Variants in ZFPM2 observed in about 807,000 individuals in gnomAD.
The protein encoded by ZFPM2 is zinc finger protein ZFPM2.
Under a neutral mutation model 98.6 loss-of-function variants are expected in ZFPM2, and 20 were observed. The observed-to-expected ratio is 0.20, with a 90% CI of 0.14 to 0.29. The LOEUF (loss-of-function observed/expected upper bound fraction) is 0.29, where lower values mean the gene tolerates loss of function less well. ZFPM2 is among the 10% of genes least tolerant of loss of function. The pLI is 1.00. For synonymous variants in ZFPM2, 518 were observed against 502.7 expected, an observed-to-expected ratio of 1.03 and a Z score of -0.41; for missense variants, 1,310 against 1,388.6, an observed-to-expected ratio of 0.94 and a Z score of 0.90.
In ZFPM2 at chr8:105,439,353, G is replaced by C. The variant is rs1812191342; in HGVS notation, c.200-4927G>C. 2.0e-5 allele frequency among the ~76,000 whole-genome samples: 3 copies of C among 152,164 alleles called. No individual in the cohort carries two copies. The South Asian group carries it at 6.2e-4, about 32-fold the overall frequency. On this transcript the variant is annotated intron_variant, in intron 2 of 7. Coordinates refer to ENST00000407775, the MANE Select transcript of ZFPM2 (RefSeq NM_012082.4). ...TGGTTCTCTCCTCAACTGGAGGAGA[G>C]ATGTAAAGAGAAAGGATGTTTTGGA...
intron 1 of ZFPM2, among the ~76,000 whole-genome samples, chr8:105,404,042 ACAG>A (rs796338555): frequency 0.016 from 2,155 of 138,222 alleles, 43 homozygotes; most frequent in African/African-American, 0.055. Flanking sequence ...AACAACAACA[ACAG>A]CAGCATAGAT....
chr8:105,439,097 T>C (rs1173449599), intron 2 of ZFPM2, among the ~76,000 whole-genome samples: 1 of 152,240 alleles, frequency 6.6e-6, no homozygotes, highest in Admixed American at 6.5e-5. Context: ...GAATTTTGCA[T>C]AGCACCATAT....
intron 1 of ZFPM2, among the ~76,000 whole-genome samples, chr8:105,416,600 T>C (rs1473027814): frequency 6.6e-6 from 1 of 151,918 alleles, no homozygotes; most frequent in Non-Finnish European, 1.5e-5. Flanking sequence ...TCAGAGTATA[T>C]ATTCCAAAAG....
chr8:105,588,292 A>G (rs1476620499), intron 4 of ZFPM2, among the ~76,000 whole-genome samples: 1 of 152,144 alleles, frequency 6.6e-6, no homozygotes, highest in African/African-American at 2.4e-5. Context: ...ATGCGGTGAA[A>G]TCCACAATTA....
chr8:105,599,266 T>G (rs546032865), intron 4 of ZFPM2, among the ~76,000 whole-genome samples: 21 of 152,146 alleles, frequency 1.4e-4, no homozygotes, highest in African/African-American at 3.9e-4. Flanking sequence ...CATGTCATAC[T>G]GTGGCCCTGT....
chr8:105,398,271 C>A (rs574953769), intron 1 of ZFPM2, among the ~76,000 whole-genome samples: 2 of 152,208 alleles, frequency 1.3e-5, no homozygotes, highest in East Asian at 1.9e-4. Flanking sequence ...ATATTGAACA[C>A]TTCTCTGTGT....
In ZFPM2 at chr8:105,801,293, C is replaced by T. The variant is rs185077999; in HGVS notation, c.1211C>T (p.Thr404Ile). The change falls in exon 8 of 8, where the codon ACT becomes ATT. Residue 404 changes from threonine (T) to isoleucine (I), a missense_variant. Physicochemically the swap from Thr to Ile is moderately conservative, Grantham distance 89. Coordinates refer to ENST00000407775, the MANE Select transcript of ZFPM2 (RefSeq NM_012082.4). ...ESDMEHSPSA[T>I]EDSLQPATDL... ...GACATGGAACACTCTCCAAGTGCAACTGAAGACAGCTTACAGCCAGCCACA... is the reference window on the plus strand; with the variant it reads ...GACATGGAACACTCTCCAAGTGCAATTGAAGACAGCTTACAGCCAGCCACA... 3 of 1,613,922 alleles carry T rather than the reference C, an allele frequency of 1.9e-6. No individual in the cohort carries two copies. Among genetic ancestry groups the T allele is most frequent in the African/African-American group, 2.7e-5 (2 of 75,022 alleles).
chr8:105,459,221 T>C (rs1812658639), intron 3 of ZFPM2, among the ~76,000 whole-genome samples: 4 of 152,166 alleles, frequency 2.6e-5, no homozygotes, highest in Admixed American at 2.6e-4. Context: ...TAGTTTTTTG[T>C]TTTGTTTTGC....
rs79538030 is a variant in ZFPM2 at position 105,574,588 on chromosome 8, T to C, written c.420+13107T>C. 3.7e-3 allele frequency among the ~76,000 whole-genome samples: 560 copies of C among 152,288 alleles called. 5 individuals are homozygous for C. Among genetic ancestry groups the C allele is most frequent in the African/African-American group, 0.013 (539 of 41,542 alleles). On this transcript the variant is annotated intron_variant, in intron 4 of 7. Coordinates refer to ENST00000407775, the MANE Select transcript of ZFPM2 (RefSeq NM_012082.4). Reference sequence around the variant, plus strand: ...AATGGAGTGAATAAGGCAGTCATAATGCAGACAGTGATGTACTGTGAAATA... The same window carrying C: ...AATGGAGTGAATAAGGCAGTCATAACGCAGACAGTGATGTACTGTGAAATA...
chr8:105,746,640 G>C (rs1345346011), intron 5 of ZFPM2, among the ~76,000 whole-genome samples: 1 of 129,812 alleles, frequency 7.7e-6, no homozygotes, highest in Admixed American at 7.7e-5. Flanking sequence ...GCGTTTTCTT[G>C]TTCTGTTTTT....
At chr8:105,521,617 G>T (rs1453750941) in intron 3 of ZFPM2, among the ~76,000 whole-genome samples, 7 of 151,308 alleles carry the variant, frequency 4.6e-5, no homozygotes, top group African/African-American at 1.7e-4. Context: ...CACTCTTGTT[G>T]CCTAGACTGG....
intron 3 of ZFPM2, among the ~76,000 whole-genome samples, chr8:105,531,628 A>C (rs1322524065): frequency 1.3e-5 from 2 of 152,188 alleles, no homozygotes; most frequent in Admixed American, 1.3e-4. Flanking sequence ...ATCTTTTGGC[A>C]GTGGTGGTAC....
chr8:105,765,428 G>A (rs1008023562), intron 5 of ZFPM2, among the ~76,000 whole-genome samples: 4 of 151,712 alleles, frequency 2.6e-5, no homozygotes, highest in Admixed American at 6.6e-5. Flanking sequence ...TTGATTCACC[G>A]TAAAATTCTA....
At chr8:105,736,571 A>G (rs1255786249) in intron 5 of ZFPM2, among the ~76,000 whole-genome samples, 1 of 152,058 alleles carries the variant, frequency 6.6e-6, no homozygotes, top group African/African-American at 2.4e-5. Flanking sequence ...AAGCATATTG[A>G]TAACTGTTCT....
chr8:105,620,217 C>G (rs1052815942), intron 4 of ZFPM2, among the ~76,000 whole-genome samples: 3 of 152,136 alleles, frequency 2.0e-5, no homozygotes, highest in Non-Finnish European at 4.4e-5. Context: ...TTTTAATGAT[C>G]ACCATTCTAA....
chr8:105,361,229 G>A (rs539005737), intron 1 of ZFPM2, among the ~76,000 whole-genome samples: 90 of 134,830 alleles, frequency 6.7e-4, no homozygotes, highest in African/African-American at 2.4e-3. Context: ...GGCCAGTGAC[G>A]GTGAGCATTT....
chr8:105,706,427 A>C (rs1811261983), intron 5 of ZFPM2, among the ~76,000 whole-genome samples: 1 of 152,194 alleles, frequency 6.6e-6, no homozygotes, highest in South Asian at 2.1e-4. Context: ...AAAATGCTCA[A>C]AGGATTACTC....
intron 5 of ZFPM2, among the ~76,000 whole-genome samples, chr8:105,730,062 G>A (rs1210722215): frequency 6.6e-6 from 1 of 151,278 alleles, no homozygotes; most frequent in Admixed American, 6.6e-5. Context: ...TTAATTAAAT[G>A]TCTGCAGTAT....
At chr8:105,380,845 ATT>A (rs1810863943) in intron 1 of ZFPM2, among the ~76,000 whole-genome samples, 2 of 84,338 alleles carry the variant, frequency 2.4e-5, no homozygotes, top group African/African-American at 1.2e-4. Flanking sequence ...TGTTATATAT[ATT>A]ATAATATATA....
Sources: gnomAD v4.1 joint callset for allele counts (sites outside exome capture counted in the v4.1 genomes callset) on GRCh38, gnomAD v4.1.1 for gene constraint, MANE v1.5 for transcripts, NCBI Gene and HGNC (gene_info 2026-07-23, HGNC 2026-07-21) for gene names.